FYTTD1: variants seen among roughly 807,000 people sequenced by gnomAD.
The protein encoded by FYTTD1 is UAP56-interacting factor.
Under a neutral mutation model 40.9 loss-of-function variants are expected in FYTTD1, and 22 were observed. The observed-to-expected ratio is 0.54, with a 90% confidence interval of 0.38 to 0.77. FYTTD1 has a LOEUF of 0.77. FYTTD1 is among the 30% of genes least tolerant of loss of function. FYTTD1 has a pLI of 0.00. For missense variants in FYTTD1, 351 were observed against 392.2 expected, an observed-to-expected ratio of 0.90 and a Z score of 0.89; for synonymous variants, 140 against 137.9, an observed-to-expected ratio of 1.01 and a Z score of -0.10.
At chr3:197,763,476 T>G in intron 2 of FYTTD1, 1 of 426,014 alleles carries the variant, frequency 2.3e-6, no homozygotes, top group Non-Finnish European at 4.6e-6. Flanking sequence ...ACACAAAAAC[T>G]TTGGAGTCCT....
At chr3:197,763,797 A>G in intron 2 of FYTTD1, among the ~76,000 whole-genome samples, 1 of 152,230 alleles carries the variant, frequency 6.6e-6, no homozygotes, top group East Asian at 1.9e-4. Context: ...TTAGATGATA[A>G]GGCTCCTGAA....
chr3:197,770,065 A>G, intron 3 of FYTTD1, 67 bp from the exon 4 acceptor site: 1 of 872,058 alleles, frequency 1.1e-6, no homozygotes, highest in Non-Finnish European at 1.8e-6. Context: ...TGCATCTGAA[A>G]TGTTTATTGT....
At chr3:197,764,677 C>T (rs1476189453) in intron 2 of FYTTD1, among the ~76,000 whole-genome samples, 1 of 143,758 alleles carries the variant, frequency 7.0e-6, no homozygotes, top group African/African-American at 2.6e-5. Context: ...CCGCTACACT[C>T]CAGCCCGGGT....
intron 2 of FYTTD1, among the ~76,000 whole-genome samples, chr3:197,762,988 C>G (rs1238282651): frequency 6.6e-6 from 1 of 152,220 alleles, no homozygotes; most frequent in Non-Finnish European, 1.5e-5. Flanking sequence ...CCTGCACATC[C>G]TGCACGTGTA....
chr3:197,765,890 G>A (rs1424883778), intron 2 of FYTTD1, among the ~76,000 whole-genome samples: 1 of 152,082 alleles, frequency 6.6e-6, no homozygotes, highest in African/African-American at 2.4e-5. Flanking sequence ...CAGCTACTTG[G>A]GAGACTGAGG....
intron 6 of FYTTD1, among the ~76,000 whole-genome samples, 153 bp from the exon 7 acceptor site, chr3:197,776,774 G>A (rs1323072237): frequency 6.6e-6 from 1 of 152,096 alleles, no homozygotes; most frequent in Non-Finnish European, 1.5e-5. Context: ...CACCCAAGAT[G>A]TTGATTTATT....
chr3:197,787,266 A>T lies in FYTTD1; in HGVS notation c.*5357A>T, dbSNP rs1730174504. ...TCTGGGATTACAGGCACGTGCCACT[A>T]CACCCAGCTAATTTTTGTACTAAGA... On this transcript the variant is annotated 3_prime_UTR_variant, in exon 9 of 9. Coordinates refer to ENST00000241502, the MANE Select transcript of FYTTD1 (RefSeq NM_032288.7). 1 of 151,672 alleles carries T rather than the reference A, an allele frequency of 6.6e-6. No homozygotes were observed. The highest frequency in any genetic ancestry group is 2.1e-4 in the South Asian group (1 of 4,802). 9.4% of individuals were successfully genotyped at this position (151,672 alleles called of 1,614,324 possible).
intron 7 of FYTTD1, 58 bp from the exon 8 acceptor site, chr3:197,778,280 G>T: frequency 7.3e-7 from 1 of 1,371,854 alleles, no homozygotes; most frequent in Non-Finnish European, 1.0e-6. Context: ...AGTACCAAGT[G>T]AATTTATTTT....
rs1364326814 is a variant in FYTTD1 at position 197,755,598 on chromosome 3, G to A, written c.104-828G>A. ...GTAGCTGGGATTACAGGCATGCACC[G>A]CCATACCCGGCTAATTTATTTATTT... On this transcript the variant is annotated intron_variant, in intron 1 of 8. Coordinates refer to ENST00000241502, the MANE Select transcript of FYTTD1 (RefSeq NM_032288.7). 8.6e-5 allele frequency: 18 copies of A among 208,690 alleles called. No individual in the cohort carries two copies. In the East Asian group the frequency reaches 1.4e-3, roughly 16 times the overall value. 12.9% of individuals were successfully genotyped at this position (208,690 alleles called of 1,614,324 possible).
chr3:197,768,792 T>TGG (rs34195932), intron 3 of FYTTD1, among the ~76,000 whole-genome samples: 1,952 of 152,268 alleles, frequency 0.013, 25 homozygotes, highest in Middle Eastern at 0.017. Context: ...GTAAGTTGTT[T>TGG]GTTTGTTTTT....
intron 1 of FYTTD1, chr3:197,750,435 T>G: frequency 2.0e-6 from 2 of 1,011,084 alleles, no homozygotes; most frequent in Non-Finnish European, 2.4e-6. Flanking sequence ...ATCTGCCGGT[T>G]TCCCCGGAGC....
intron 2 of FYTTD1, among the ~76,000 whole-genome samples, chr3:197,767,441 AT>A (rs35419113): frequency 5.0e-4 from 73 of 145,098 alleles, no homozygotes; most frequent in African/African-American, 1.2e-3. Context: ...CCTGGCTGCT[AT>A]TTTTTTTTTT....
Position 197,750,092 on chromosome 3 carries a change from AC to A in FYTTD1, c.103+20del, listed in dbSNP as rs1449881663. 9.7e-6 allele frequency: 15 copies of A among 1,543,650 alleles called. 1 individual carries two copies. The South Asian group carries it at 1.8e-4, about 18-fold the overall frequency. ...GTCTTTGGGTGAGGGGCCGAGTTGG[AC>A]CGAGTTGGAGTGCGGGGGAGGGCGC... On this transcript the variant is annotated intron_variant, in intron 1 of 8. Coordinates refer to ENST00000241502, the MANE Select transcript of FYTTD1 (RefSeq NM_032288.7).
intron 1 of FYTTD1, among the ~76,000 whole-genome samples, chr3:197,753,593 T>C (rs1251523640): frequency 2.0e-5 from 3 of 152,128 alleles, no homozygotes; most frequent in African/African-American, 7.2e-5. Flanking sequence ...AGCCGTTTTC[T>C]TTTTTTAGAT....
At chr3:197,753,344 G>T (rs77429879) in intron 1 of FYTTD1, among the ~76,000 whole-genome samples, 3,484 of 152,222 alleles carry the variant, frequency 0.023, 78 homozygotes, top group East Asian at 0.053. Context: ...CGGTGTTATG[G>T]TGATACTTAT....
At chr3:197,768,304 A>G (rs1729610192) in intron 2 of FYTTD1, 135 bp from the exon 3 acceptor site, 1 of 600,380 alleles carries the variant, frequency 1.7e-6, no homozygotes, top group Non-Finnish European at 2.7e-6. Context: ...GAAGTATTTT[A>G]TGTAATTTAA....
chr3:197,764,861 G>C (rs534059459), intron 2 of FYTTD1, among the ~76,000 whole-genome samples: 1 of 139,662 alleles, frequency 7.2e-6, no homozygotes, highest in African/African-American at 2.6e-5. Flanking sequence ...TTTTTTTTTT[G>C]GGGGGGGAGG....
At chr3:197,765,977 C>T (rs2109044907) in intron 2 of FYTTD1, among the ~76,000 whole-genome samples, 1 of 152,036 alleles carries the variant, frequency 6.6e-6, no homozygotes, top group African/African-American at 2.4e-5. Context: ...GCCTGGGCAA[C>T]AGAGCAAGAC....
intron 2 of FYTTD1, among the ~76,000 whole-genome samples, chr3:197,760,279 G>C (rs1008947624): frequency 1.3e-5 from 2 of 152,222 alleles, no homozygotes; most frequent in African/African-American, 4.8e-5. Context: ...AGAAGGTACA[G>C]AGTTGTTCTT....
Sources: allele counts gnomAD v4.1 joint callset (sites outside exome capture counted in the v4.1 genomes callset), GRCh38; gene constraint gnomAD v4.1.1; transcripts MANE v1.5; gene names NCBI Gene and HGNC (gene_info 2026-07-23, HGNC 2026-07-21).